The following FGF13 variants were observed in gnomAD, a reference collection of about 807,000 sequenced individuals.
FGF13 encodes fibroblast growth factor homologous factor 2.
A neutral mutation model predicts 19.5 loss-of-function variants in FGF13; 2 were observed. The observed-to-expected ratio is 0.10, with a 90% CI of 0.04 to 0.32. FGF13 has a LOEUF of 0.32. FGF13 is among the 10% of genes least tolerant of loss of function. The probability of loss-of-function intolerance (pLI) is 1.00; values close to 1 mark genes in which losing one functional copy is unlikely to be tolerated. For missense variants in FGF13, 113 were observed against 192.7 expected, an observed-to-expected ratio of 0.59 and a Z score of 2.45; for synonymous variants, 72 against 76.9, an observed-to-expected ratio of 0.94 and a Z score of 0.33.
chrX:138,924,182 T>TA lies in FGF13; in HGVS notation c.-112-59533dup, dbSNP rs763128839. On this transcript the variant is annotated intron_variant, in intron 1 of 2. Coordinates refer to the FGF13 transcript ENST00000421460. ...AATGATGGGAATTTATTGGCTCACA[T>TA]ATGGGATGTCCAAGGGGGTATGTTC... Among the ~76,000 whole-genome samples the TA allele has an allele frequency of 1.3e-3, 145 of 112,136 alleles. 1 individual carries two copies. The highest frequency in any genetic ancestry group is 4.6e-3 in the African/African-American group (141 of 30,878).
chrX:138,900,503 C>A (rs771797263), intron 1 of FGF13, among the ~76,000 whole-genome samples: 1 of 111,073 alleles, frequency 9.0e-6, no homozygotes, highest in Non-Finnish European at 1.9e-5. Context: ...AAACAGGTCC[C>A]AAATCTGATC....
chrX:138,678,838 G>T (rs2089699796), intron 3 of FGF13, among the ~76,000 whole-genome samples: 1 of 111,655 alleles, frequency 9.0e-6, no homozygotes, highest in Non-Finnish European at 1.9e-5. Context: ...TTCATTAAAA[G>T]TTCAAAAATC....
intron 1 of FGF13, among the ~76,000 whole-genome samples, chrX:139,099,377 C>CAAAAAAAAAAAAAAA (rs59882808): frequency 9.1e-5 from 3 of 32,957 alleles, no homozygotes; most frequent in East Asian, 9.0e-4. Context: ...GTTTCTATCT[C>CAAAAAAAAAAAAAAA]AAAAAAAAAA....
chrX:138,651,492 G>A (rs757344698), intron 3 of FGF13, among the ~76,000 whole-genome samples: 2 of 111,817 alleles, frequency 1.8e-5, no homozygotes, highest in East Asian at 2.8e-4. Context: ...TAATAGATTC[G>A]ATTTTTCCTG....
chrX:138,934,809 A>T (rs866884960), intron 1 of FGF13, among the ~76,000 whole-genome samples: 33 of 112,156 alleles, frequency 2.9e-4, no homozygotes, highest in African/African-American at 8.1e-4. Context: ...TCTGGGAGTT[A>T]AGCAAGGCAG....
In FGF13 at chrX:138,717,587, G is replaced by A. The variant is rs374141691; in HGVS notation, c.29-8659C>T. Among the ~76,000 whole-genome samples, 7 of 110,235 alleles carry A rather than the reference G, an allele frequency of 6.4e-5. No individual in the cohort carries two copies. The East Asian group carries it at 1.4e-3, about 23-fold the overall frequency. ...AAGGTCCCCTCTGATAGGGCATGGG[G>A]ATTGCTAGTGTTTTTGTTGTTGTTG... On this transcript the variant is annotated intron_variant, in intron 1 of 4. Coordinates refer to the FGF13 transcript ENST00000305414.
chrX:139,180,298 C>A (rs145556289), intron 1 of FGF13, among the ~76,000 whole-genome samples: 2 of 111,993 alleles, frequency 1.8e-5, no homozygotes, highest in Non-Finnish European at 3.8e-5. Flanking sequence ...AATGCAAATT[C>A]TTTGGGGGCA....
intron 3 of FGF13, among the ~76,000 whole-genome samples, chrX:138,695,788 T>C (rs945251079): frequency 2.7e-5 from 3 of 112,155 alleles, no homozygotes; most frequent in African/African-American, 6.5e-5. Flanking sequence ...ACAAAGTCAG[T>C]AAATATGTAT....
At chrX:138,935,342 G>T (rs1387423213) in intron 1 of FGF13, among the ~76,000 whole-genome samples, 1 of 112,012 alleles carries the variant, frequency 8.9e-6, no homozygotes, top group African/African-American at 3.2e-5. Context: ...CTTCACACTA[G>T]TTTCCTGGAG....
intron 1 of FGF13, among the ~76,000 whole-genome samples, chrX:139,086,521 T>C (rs1358218164): frequency 1.8e-5 from 2 of 111,567 alleles, no homozygotes; most frequent in Non-Finnish European, 3.8e-5. Context: ...ACTATTTTAT[T>C]ATATATTGCA....
intron 3 of FGF13, among the ~76,000 whole-genome samples, chrX:138,839,198 T>C (rs1036930129): frequency 9.0e-6 from 1 of 111,145 alleles, no homozygotes; most frequent in Non-Finnish European, 1.9e-5. Flanking sequence ...ATGATACCTT[T>C]CATTATCTTA....
intron 1 of FGF13, among the ~76,000 whole-genome samples, chrX:138,915,099 T>C (rs1397363696): frequency 1.9e-5 from 2 of 103,806 alleles, no homozygotes; most frequent in African/African-American, 8.5e-5. Context: ...GCTACTCCAG[T>C]TTTTTCAACT....
intron 3 of FGF13, among the ~76,000 whole-genome samples, chrX:138,816,450 T>C (rs1175385169): frequency 8.9e-6 from 1 of 112,163 alleles, no homozygotes; most frequent in African/African-American, 3.2e-5. Flanking sequence ...GACCCAGCAA[T>C]CGCACTCATC....
chrX:138,708,126 A>C (rs2090009382), intron 2 of FGF13, among the ~76,000 whole-genome samples: 1 of 112,487 alleles, frequency 8.9e-6, no homozygotes, highest in African/African-American at 3.2e-5. Flanking sequence ...ACTATTTGTG[A>C]GTTTATATTT....
chrX:139,042,164 A>C (rs1382637575), intron 1 of FGF13, among the ~76,000 whole-genome samples: 2 of 112,300 alleles, frequency 1.8e-5, no homozygotes, highest in African/African-American at 6.5e-5. Flanking sequence ...GCATGGTTAC[A>C]TGTGTTTCTT....
rs763504620 is a variant in FGF13 at position 138,808,385 on chromosome X, G to A, written c.217+49127C>T. 2.7e-5 allele frequency among the ~76,000 whole-genome samples: 3 copies of A among 111,936 alleles called. No individual in the cohort carries two copies. In the South Asian group the frequency reaches 1.1e-3, roughly 41 times the overall value. On this transcript the variant is annotated intron_variant, in intron 3 of 6. Transcript: ENST00000436198. ...GAAGGCAGAAATAAAGATGTTCTTT[G>A]AAACAAATGAGAACAAAGACACAAC... is the stretch of plus-strand genomic sequence containing the variant.
chrX:139,121,367 C>T (rs865899913), intron 1 of FGF13, among the ~76,000 whole-genome samples: 12 of 111,137 alleles, frequency 1.1e-4, no homozygotes, highest in South Asian at 7.6e-4. Context: ...CCTATACGAT[C>T]GTGAGCAAAG....
chrX:139,082,942 A>T (rs762209317), intron 1 of FGF13, among the ~76,000 whole-genome samples: 4 of 112,048 alleles, frequency 3.6e-5, no homozygotes, highest in South Asian at 3.8e-4. Context: ...AGATAAAAGC[A>T]GTGCTGGGCA....
chrX:138,651,649 T>C (rs1289431099), intron 3 of FGF13, among the ~76,000 whole-genome samples: 3 of 111,991 alleles, frequency 2.7e-5, no homozygotes, highest in Non-Finnish European at 5.6e-5. Flanking sequence ...TTGTTTTTGC[T>C]GCACTGCTGA....
Sources: allele counts gnomAD v4.1 joint callset (sites outside exome capture counted in the v4.1 genomes callset), GRCh38; gene constraint gnomAD v4.1.1; transcripts MANE v1.5; gene names NCBI Gene and HGNC (gene_info 2026-07-23, HGNC 2026-07-21).